Variants in MYO1B observed in about 807,000 individuals in gnomAD.
The protein encoded by MYO1B is myosin IB.
MYO1B carries 72 observed loss-of-function variants against 159.7 expected under a neutral mutation model. That is an observed-to-expected ratio of 0.45 (90% confidence interval 0.37 to 0.55). The LOEUF is 0.55. Ranked by LOEUF, MYO1B falls within the 20% of genes least tolerant of loss-of-function variation. The pLI is 0.00. For missense variants in MYO1B, 1,062 were observed against 1,364.8 expected (o/e 0.78, Z 3.50); for synonymous variants, 468 against 473.8 (o/e 0.99, Z 0.16).
rs1695372610 is a variant in MYO1B at position 191,385,880 on chromosome 2, C to T, written c.1354-4C>T. The T allele has an allele frequency of 1.2e-6, 2 of 1,613,140 alleles. No individual in the cohort carries two copies. The highest frequency in any genetic ancestry group is 8.5e-7 in the Non-Finnish European group (1 of 1,179,598). On this transcript the variant is annotated splice_region_variant and splice_polypyrimidine_tract_variant and intron_variant, in intron 15 of 30. Coordinates refer to ENST00000392318, the MANE Select transcript of MYO1B (RefSeq NM_001130158.3). ...AGGAAACTTTTTTATTTCCGTTTTC[C>T]CAGAACACAAATGGAATCCTGGCCA...
chr2:191,345,729 A>G (rs980725154), intron 5 of MYO1B, among the ~76,000 whole-genome samples: 8 of 152,202 alleles, frequency 5.3e-5, no homozygotes, highest in Non-Finnish European at 1.0e-4. Flanking sequence ...TTCTTCCTGT[A>G]TTCCAGAGCT....
chr2:191,280,650 A>G (rs890560349), intron 2 of MYO1B, among the ~76,000 whole-genome samples: 2 of 152,156 alleles, frequency 1.3e-5, no homozygotes, highest in Non-Finnish European at 2.9e-5. Context: ...GACTTAAGAA[A>G]GTGATGTTTA....
intron 21 of MYO1B, among the ~76,000 whole-genome samples, chr2:191,399,290 AG>A (rs1696450803): frequency 3.5e-5 from 5 of 144,274 alleles, no homozygotes; most frequent in Non-Finnish European, 6.3e-5. Context: ...AGGGAGAGGG[AG>A]AGGGAGAGGG....
intron 2 of MYO1B, among the ~76,000 whole-genome samples, chr2:191,287,654 T>C (rs1261593303): frequency 4.6e-5 from 7 of 152,136 alleles, no homozygotes; most frequent in Non-Finnish European, 2.9e-5. Flanking sequence ...TTCAAATACA[T>C]TGAAGAATTA....
intron 3 of MYO1B, among the ~76,000 whole-genome samples, chr2:191,310,962 C>T (rs1035540897): frequency 1.3e-5 from 2 of 152,150 alleles, no homozygotes; most frequent in East Asian, 1.9e-4. Flanking sequence ...TTTCTAGTTG[C>T]TATTGGTGAT....
chr2:191,417,431 A>T (rs1697645488), intron 30 of MYO1B, among the ~76,000 whole-genome samples: 1 of 152,228 alleles, frequency 6.6e-6, no homozygotes, highest in Non-Finnish European at 1.5e-5. Flanking sequence ...TTAGAGCTTT[A>T]AAATCCCTTT....
At chr2:191,328,540 T>C (rs1691252441) in intron 3 of MYO1B, among the ~76,000 whole-genome samples, 1 of 152,248 alleles carries the variant, frequency 6.6e-6, no homozygotes, top group African/African-American at 2.4e-5. Flanking sequence ...TTGTGAGATT[T>C]AAAATGACTA....
At chr2:191,359,587 C>G (rs1693532524) in intron 7 of MYO1B, among the ~76,000 whole-genome samples, 1 of 152,174 alleles carries the variant, frequency 6.6e-6, no homozygotes, top group African/African-American at 2.4e-5. Context: ...TCCTTTCACT[C>G]TACCTAAACT....
chr2:191,400,753 G>A lies in MYO1B; in HGVS notation c.2387G>A (p.Arg796Gln), dbSNP rs758864271. Residue 796 changes from arginine to glutamine, a missense_variant, in exon 23 of 31, where the codon CGA (arginine) becomes CAA (glutamine). Physicochemically the swap from Arg to Gln is conservative, Grantham distance 43. Transcript: ENST00000392318. ...TCCTTTTCAAATGCATCACAGGCAC[G>A]AAGGGAACTGAGACGGCTGAAGGAG... ...IAAYWHGTQARRELRRLKEEA... is the reference protein window; with the variant it reads ...IAAYWHGTQAQRELRRLKEEA... The A allele has an allele frequency of 5.6e-6, 9 of 1,613,816 alleles. No individual in the cohort carries two copies. Among genetic ancestry groups the A allele is most frequent in the Middle Eastern group, 1.6e-4 (1 of 6,084 alleles).
chr2:191,359,078 C>T (rs951259665), intron 7 of MYO1B, among the ~76,000 whole-genome samples: 5 of 152,210 alleles, frequency 3.3e-5, no homozygotes, highest in Non-Finnish European at 7.3e-5. Context: ...AGAATCTGCC[C>T]ATGCCCTGTG....
intron 4 of MYO1B, among the ~76,000 whole-genome samples, chr2:191,331,658 T>C (rs1195907719): frequency 6.6e-6 from 1 of 152,224 alleles, no homozygotes; most frequent in Non-Finnish European, 1.5e-5. Context: ...TGAAAGGTAC[T>C]ATACTAGGGA....
At position 191,425,290 on chromosome 2, in the gene MYO1B, T is replaced by C. The variant is rs1240080472; in HGVS notation, c.*1330T>C. 1.3e-5 allele frequency: 2 copies of C among 152,194 alleles called. No individual in the cohort carries two copies. Among genetic ancestry groups the C allele is most frequent in the Non-Finnish European group, 2.9e-5 (2 of 68,012 alleles). The allele number at this position is 152,194 out of a possible 1,614,324, so 9.4% of individuals were successfully genotyped here. ...TCTCTGTGTAACTGAATTTCACTTA[T>C]CTTTTATAAACCAGAAACATTAATT... On this transcript the variant is annotated 3_prime_UTR_variant, in exon 31 of 31. Coordinates refer to ENST00000392318, the MANE Select transcript of MYO1B (RefSeq NM_001130158.3).
At chr2:191,330,931 GAGA>G (rs2125919803) in intron 4 of MYO1B, among the ~76,000 whole-genome samples, 1 of 152,304 alleles carries the variant, frequency 6.6e-6, no homozygotes, top group Admixed American at 6.5e-5. Flanking sequence ...CATTGATCAA[GAGA>G]AGAAAATCTG....
chr2:191,345,628 A>G (rs1210260641), intron 5 of MYO1B, among the ~76,000 whole-genome samples: 2 of 152,236 alleles, frequency 1.3e-5, no homozygotes, highest in Admixed American at 6.5e-5. Context: ...TGTTGTCTGG[A>G]AAGTTTCACC....
At chr2:191,404,355 A>G (rs1407510790) in intron 24 of MYO1B, among the ~76,000 whole-genome samples, 1 of 152,212 alleles carries the variant, frequency 6.6e-6, no homozygotes, top group Non-Finnish European at 1.5e-5. Context: ...CAATGAGCTC[A>G]GTTATGAGGC....
chr2:191,380,322 T>C (rs1002372220), intron 13 of MYO1B, among the ~76,000 whole-genome samples: 3 of 152,206 alleles, frequency 2.0e-5, no homozygotes, highest in African/African-American at 7.2e-5. Context: ...TGAAGGCCAG[T>C]GGCTCTGCCT....
chr2:191,396,543 T>C, intron 21 of MYO1B, 46 bp downstream of exon 21: 1 of 1,593,194 alleles, frequency 6.3e-7, no homozygotes, highest in Non-Finnish European at 8.6e-7. Context: ...GTTTTCTGGT[T>C]TTTCACAAAG....
intron 21 of MYO1B, among the ~76,000 whole-genome samples, 176 bp from the exon 22 acceptor site, chr2:191,400,206 C>T (rs1696521340): frequency 6.6e-6 from 1 of 152,150 alleles, no homozygotes; most frequent in Non-Finnish European, 1.5e-5. Context: ...ATGATGTCTT[C>T]ATTGTCCACC....
At chr2:191,410,855 C>T (rs904301037) in intron 26 of MYO1B, among the ~76,000 whole-genome samples, 1 of 152,192 alleles carries the variant, frequency 6.6e-6, no homozygotes, top group Non-Finnish European at 1.5e-5. Context: ...AAGAAGCATT[C>T]CAGGTTCTGC....
Sources: allele counts gnomAD v4.1 joint callset (sites outside exome capture counted in the v4.1 genomes callset), GRCh38; gene constraint gnomAD v4.1.1; transcripts MANE v1.5; gene names NCBI Gene and HGNC (gene_info 2026-07-23, HGNC 2026-07-21).